Variants in ALDH1A2 observed in about 807,000 individuals in gnomAD.
The protein encoded by ALDH1A2 is retinal dehydrogenase 2.
Under a neutral mutation model 60.3 loss-of-function variants are expected in ALDH1A2, and 27 were observed. That is an observed-to-expected ratio of 0.45 (90% CI 0.33 to 0.62). The LOEUF (loss-of-function observed/expected upper bound fraction) is 0.62, where lower values mean the gene tolerates loss of function less well. Ranked by LOEUF, ALDH1A2 falls within the 20% of genes least tolerant of loss-of-function variation. The pLI, the probability that ALDH1A2 is intolerant of heterozygous loss-of-function variation, is 0.02. For missense variants in ALDH1A2, 581 were observed against 643.8 expected, an observed-to-expected ratio of 0.90 and a Z score of 1.06; for synonymous variants, 289 against 232.4, an observed-to-expected ratio of 1.24 and a Z score of -2.21.
chr15:57,957,129 A>C (rs371365302), intron 12 of ALDH1A2, among the ~76,000 whole-genome samples: 5 of 152,240 alleles, frequency 3.3e-5, no homozygotes, highest in African/African-American at 1.2e-4. Context: ...ACGACTGAGG[A>C]GGCATGGAGG....
At chr15:58,008,652 G>A (rs1895535427) in intron 4 of ALDH1A2, among the ~76,000 whole-genome samples, 1 of 152,096 alleles carries the variant, frequency 6.6e-6, no homozygotes, top group Non-Finnish European at 1.5e-5. Flanking sequence ...AGTTTGAAAA[G>A]ATATTTAAAC....
chr15:58,042,820 A>C (rs1245222780), intron 1 of ALDH1A2, among the ~76,000 whole-genome samples: 1 of 151,956 alleles, frequency 6.6e-6, no homozygotes, highest in Non-Finnish European at 1.5e-5. Context: ...GTGGTTCACA[A>C]GGAACTGCTT....
At chr15:58,063,272 G>C (rs1344124313) in intron 1 of ALDH1A2, among the ~76,000 whole-genome samples, 1 of 152,168 alleles carries the variant, frequency 6.6e-6, no homozygotes, top group Non-Finnish European at 1.5e-5. Flanking sequence ...ATTTTCTGAT[G>C]CAAATATTGT....
chr15:58,060,085 T>C (rs1896985468), intron 1 of ALDH1A2, among the ~76,000 whole-genome samples: 1 of 152,032 alleles, frequency 6.6e-6, no homozygotes, highest in Non-Finnish European at 1.5e-5. Flanking sequence ...ACCACACAGC[T>C]AATTTCATAT....
intron 7 of ALDH1A2, among the ~76,000 whole-genome samples, chr15:57,975,689 C>T (rs762625821): frequency 6.6e-6 from 1 of 151,824 alleles, no homozygotes; most frequent in South Asian, 2.1e-4. Context: ...ACGACATAGA[C>T]AGATCTCAAA....
chr15:57,994,979 G>C, intron 5 of ALDH1A2, 99 bp downstream of exon 5: 1 of 1,181,548 alleles, frequency 8.5e-7, no homozygotes. Flanking sequence ...TTTTCCTCCA[G>C]TAATGGAAAA....
chr15:58,047,246 T>C (rs1300016437), intron 1 of ALDH1A2, among the ~76,000 whole-genome samples: 1 of 152,054 alleles, frequency 6.6e-6, no homozygotes. Flanking sequence ...TTTTGTTTTT[T>C]TAATAGTAAA....
chr15:57,968,456 T>C (rs1039709114), intron 7 of ALDH1A2, among the ~76,000 whole-genome samples: 1 of 152,200 alleles, frequency 6.6e-6, no homozygotes, highest in Admixed American at 6.5e-5. Context: ...CCTCTCCTTC[T>C]CCCTTCCTTC....
At chr15:57,977,455 G>C (rs1316757177) in intron 7 of ALDH1A2, among the ~76,000 whole-genome samples, 2 of 152,010 alleles carry the variant, frequency 1.3e-5, no homozygotes, top group African/African-American at 4.8e-5. Context: ...ACTGTTTTCT[G>C]GATATGGCTA....
intron 12 of ALDH1A2, among the ~76,000 whole-genome samples, chr15:57,959,028 G>A (rs1377361832): frequency 1.1e-4 from 16 of 152,076 alleles, no homozygotes; most frequent in Non-Finnish European, 1.5e-5. Flanking sequence ...CACCTTTCTG[G>A]GCAAGGAGAA....
chr15:57,992,504 A>G (rs748028349), intron 7 of ALDH1A2, among the ~76,000 whole-genome samples: 31 of 152,184 alleles, frequency 2.0e-4, no homozygotes, highest in Non-Finnish European at 2.8e-4. Flanking sequence ...AAATGCTCAG[A>G]TATCTGTGGG....
At chr15:58,005,345 G>A (rs1169711952) in intron 4 of ALDH1A2, among the ~76,000 whole-genome samples, 7 of 151,666 alleles carry the variant, frequency 4.6e-5, no homozygotes, top group African/African-American at 9.7e-5. Context: ...CAGTTGCTTC[G>A]CTACTTGTTT....
chr15:57,963,970 T>C lies in ALDH1A2; in HGVS notation c.1001A>G (p.Glu334Gly), dbSNP rs1893813248. ...SRIFVEESIY[E>G]EFVRRSVERA... is the part of the protein sequence containing the mutation. ...CTCCACGCTTCTTCTCACAAACTCCTCATAGATGGACTCCTCCACGAAGAT... is the reference window on the plus strand; with the variant it reads ...CTCCACGCTTCTTCTCACAAACTCCCCATAGATGGACTCCTCCACGAAGAT... The change falls in exon 9 of 13, where the codon GAG becomes GGG. Residue 334 changes from glutamate to glycine, a missense_variant. Glu to Gly is a moderately conservative substitution (Grantham distance 98). Transcript: ENST00000249750. The C allele has an allele frequency of 1.2e-6, 2 of 1,613,998 alleles. No individual in the cohort carries two copies. The highest frequency in any genetic ancestry group is 3.3e-5 in the Admixed American group (2 of 59,998).
At chr15:57,957,262 G>T (rs1216647952) in intron 12 of ALDH1A2, among the ~76,000 whole-genome samples, 1 of 152,152 alleles carries the variant, frequency 6.6e-6, no homozygotes, top group Non-Finnish European at 1.5e-5. Flanking sequence ...CTCTCCAGCA[G>T]TTCCTGAACC....
intron 1 of ALDH1A2, among the ~76,000 whole-genome samples, chr15:58,024,774 G>C (rs1018811320): frequency 6.6e-6 from 1 of 152,056 alleles, no homozygotes; most frequent in African/African-American, 2.4e-5. Context: ...ATATTCTCCA[G>C]AACAGACCAT....
At position 58,065,604 on chromosome 15, in the gene ALDH1A2, G is replaced by C. The variant is rs773998771; in HGVS notation, c.47C>G (p.Pro16Arg). 2 of 1,611,448 alleles carry C rather than the reference G, an allele frequency of 1.2e-6. No individual in the cohort carries two copies. Among genetic ancestry groups the C allele is most frequent in the Non-Finnish European group, 1.7e-6 (2 of 1,178,626 alleles). The change falls in exon 1 of 13, where the codon CCC (proline) becomes CGC (arginine). Residue 16 changes from proline (P) to arginine (R), a missense_variant. By Grantham distance (103) the Pro-to-Arg change is moderately radical (BLOSUM62 -2). Around this residue, in one of 2 missense-constraint regions of ALDH1A2, gnomAD observed 206 missense variants for 174.1 expected, o/e 1.18. Coordinates refer to ENST00000249750, the MANE Select transcript of ALDH1A2 (RefSeq NM_003888.4). The part of the protein sequence containing the change: ...IEMPGEVKAD[P>R]AALMASLHLL... ...GTGCAGCGACGCCATGAGGGCGGCGGGGTCGGCCTTCACCTCGCCGGGCAT... is the reference window on the plus strand; with the variant it reads ...GTGCAGCGACGCCATGAGGGCGGCGCGGTCGGCCTTCACCTCGCCGGGCAT...
intron 1 of ALDH1A2, among the ~76,000 whole-genome samples, chr15:58,023,754 A>C (rs1219412660): frequency 1.3e-5 from 2 of 152,256 alleles, no homozygotes; most frequent in African/African-American, 2.4e-5. Flanking sequence ...AGATAAGCAA[A>C]GACTGAAGGA....
At chr15:57,960,587 G>A (rs1233052272) in intron 12 of ALDH1A2, among the ~76,000 whole-genome samples, 183 bp downstream of exon 12, 2 of 152,204 alleles carry the variant, frequency 1.3e-5, no homozygotes, top group East Asian at 1.9e-4. Context: ...TTTGGGAAAT[G>A]GAATTGTGTT....
chr15:57,966,049 G>T (rs1893886758), intron 7 of ALDH1A2, among the ~76,000 whole-genome samples: 2 of 152,208 alleles, frequency 1.3e-5, no homozygotes, highest in African/African-American at 4.8e-5. Flanking sequence ...TTTCGTGATG[G>T]AAGGACTAAG....
Sources: allele counts gnomAD v4.1 joint callset (sites outside exome capture counted in the v4.1 genomes callset), GRCh38; gene constraint gnomAD v4.1.1; regional missense constraint gnomAD v4.1.1; transcripts MANE v1.5; gene names NCBI Gene and HGNC (gene_info 2026-07-23, HGNC 2026-07-21).